The following ZBTB20 variants were observed in gnomAD, a reference collection of about 807,000 sequenced individuals.
ZBTB20 encodes the protein zinc finger and BTB domain-containing protein 20.
A neutral mutation model predicts 56.9 loss-of-function variants in ZBTB20; 9 were observed. That is an observed-to-expected ratio of 0.16 (90% CI 0.10 to 0.28). The LOEUF is 0.28. ZBTB20 is among the 10% of genes least tolerant of loss of function. The pLI, the probability that ZBTB20 is intolerant of heterozygous loss-of-function variation, is 1.00. For synonymous variants in ZBTB20, 417 were observed against 420.7 expected, an observed-to-expected ratio of 0.99 and a Z score of 0.11; for missense variants, 655 against 1,003.0, an observed-to-expected ratio of 0.65 and a Z score of 4.69.
At chr3:114,675,019 T>A (rs1279447128) in intron 6 of ZBTB20, among the ~76,000 whole-genome samples, 1 of 149,524 alleles carries the variant, frequency 6.7e-6, no homozygotes, top group South Asian at 2.1e-4. Context: ...CAAAATAATC[T>A]CTATTACAAA....
intron 6 of ZBTB20, among the ~76,000 whole-genome samples, chr3:114,516,841 A>G (rs1252345609): frequency 6.6e-6 from 1 of 152,224 alleles, no homozygotes; most frequent in African/African-American, 2.4e-5. Flanking sequence ...CACGGAACTC[A>G]CAGCCTTAGA....
chr3:114,402,277 C>T (rs1218876461), intron 7 of ZBTB20, among the ~76,000 whole-genome samples: 2 of 152,102 alleles, frequency 1.3e-5, no homozygotes, highest in African/African-American at 4.8e-5. Flanking sequence ...GTCAAAATGG[C>T]TGTTCTCCCT....
intron 2 of ZBTB20, among the ~76,000 whole-genome samples, chr3:114,983,206 T>C (rs1017586066): frequency 6.6e-5 from 10 of 152,004 alleles, no homozygotes; most frequent in Non-Finnish European, 1.2e-4. Context: ...CAATGTGTCA[T>C]GCAATGTTCA....
chr3:114,556,066 G>C (rs1036952778), intron 6 of ZBTB20, among the ~76,000 whole-genome samples: 3 of 152,024 alleles, frequency 2.0e-5, no homozygotes, highest in Middle Eastern at 3.2e-3. Context: ...TCCACTATTA[G>C]CAATTAAAAA....
intron 6 of ZBTB20, among the ~76,000 whole-genome samples, chr3:114,677,183 C>T (rs868604187): frequency 5.9e-5 from 9 of 152,140 alleles, no homozygotes; most frequent in Non-Finnish European, 1.3e-4. Context: ...TGCCATACTA[C>T]CTGCTAAAAA....
At chr3:114,831,137 T>G (rs1363576392) in intron 4 of ZBTB20, among the ~76,000 whole-genome samples, 2 of 149,952 alleles carry the variant, frequency 1.3e-5, no homozygotes, top group Non-Finnish European at 3.0e-5. Context: ...CTCCAACCTT[T>G]TTAAAATATA....
At chr3:114,473,163 C>T (rs192165065) in intron 7 of ZBTB20, among the ~76,000 whole-genome samples, 4 of 152,320 alleles carry the variant, frequency 2.6e-5, no homozygotes, top group Admixed American at 6.5e-5. Context: ...GTGAACAGCA[C>T]GCTTTATGTG....
chr3:114,461,744 A>G (rs1252859268), intron 7 of ZBTB20, among the ~76,000 whole-genome samples: 1 of 152,182 alleles, frequency 6.6e-6, no homozygotes, highest in Non-Finnish European at 1.5e-5. Flanking sequence ...CTTGTTAGAC[A>G]CGTAACTTAT....
intron 6 of ZBTB20, among the ~76,000 whole-genome samples, chr3:114,659,597 C>T (rs879739444): frequency 5.9e-5 from 9 of 152,092 alleles, no homozygotes; most frequent in Non-Finnish European, 1.3e-4. Flanking sequence ...TGGATTATGC[C>T]TTATGCTGGA....
At chr3:114,413,532 T>G (rs770183530) in intron 7 of ZBTB20, among the ~76,000 whole-genome samples, 2 of 152,136 alleles carry the variant, frequency 1.3e-5, no homozygotes, top group Non-Finnish European at 2.9e-5. Context: ...ATATAACAGT[T>G]TCCTGTCCCT....
intron 4 of ZBTB20, among the ~76,000 whole-genome samples, chr3:114,889,095 T>G (rs1219272638): frequency 6.6e-6 from 1 of 151,926 alleles, no homozygotes; most frequent in Non-Finnish European, 1.5e-5. Context: ...GAAAATATAT[T>G]TTACACAAAT....
intron 4 of ZBTB20, among the ~76,000 whole-genome samples, chr3:114,847,629 A>T (rs904156385): frequency 6.6e-6 from 1 of 151,648 alleles, no homozygotes; most frequent in African/African-American, 2.4e-5. Context: ...GACTTTTGGG[A>T]ATCCTTTTTT....
intron 10 of ZBTB20, among the ~76,000 whole-genome samples, chr3:114,362,583 T>C (rs142346496): frequency 3.0e-4 from 46 of 152,300 alleles, no homozygotes; most frequent in Admixed American, 1.2e-3. Flanking sequence ...CTATTTTCAA[T>C]AGAATTTAAA....
At chr3:114,730,715 T>C (rs527915289) in intron 5 of ZBTB20, among the ~76,000 whole-genome samples, 86 of 152,192 alleles carry the variant, frequency 5.7e-4, no homozygotes, top group Non-Finnish European at 9.1e-4. Flanking sequence ...ATTGGACTTC[T>C]AGCCTCCAGA....
intron 6 of ZBTB20, among the ~76,000 whole-genome samples, chr3:114,566,721 T>C (rs1280534174): frequency 6.6e-6 from 1 of 152,212 alleles, no homozygotes; most frequent in African/African-American, 2.4e-5. Context: ...CCTAGCACAT[T>C]GTTCTTCAAT....
intron 3 of ZBTB20, among the ~76,000 whole-genome samples, chr3:114,952,820 G>T (rs769753584): frequency 1.3e-5 from 2 of 151,962 alleles, no homozygotes; most frequent in Non-Finnish European, 2.9e-5. Flanking sequence ...CTGTATAAAA[G>T]AGACCTGCTC....
At chr3:114,913,408 T>G (rs1486949297) in intron 3 of ZBTB20, among the ~76,000 whole-genome samples, 1 of 152,112 alleles carries the variant, frequency 6.6e-6, no homozygotes, top group African/African-American at 2.4e-5. Flanking sequence ...ATTCAAATCT[T>G]TTCCCCATTT....
Position 114,488,192 on chromosome 3 carries a change from C to T in ZBTB20, c.-255+12160G>A, listed in dbSNP as rs141343593. 4.1e-3 allele frequency among the ~76,000 whole-genome samples: 625 copies of T among 152,292 alleles called. 7 individuals are homozygous for T. The highest frequency in any genetic ancestry group is 0.014 in the African/African-American group (595 of 41,560). ...CTTCCCACAACACTCCCCTGAAGGG[C>T]GGTGAGGGTAGGTGTTGCCATCAGA... On this transcript the variant is annotated intron_variant, in intron 7 of 11. Coordinates refer to ENST00000675478, the MANE Select transcript of ZBTB20 (RefSeq NM_001348800.3).
chr3:114,614,664 A>G (rs1006871674), intron 6 of ZBTB20, among the ~76,000 whole-genome samples: 2 of 152,212 alleles, frequency 1.3e-5, no homozygotes, highest in Non-Finnish European at 2.9e-5. Flanking sequence ...AAAAGAGCAA[A>G]CAAATAAAAC....
Sources: gnomAD v4.1 joint callset for allele counts (sites outside exome capture counted in the v4.1 genomes callset) on GRCh38, gnomAD v4.1.1 for gene constraint, MANE v1.5 for transcripts, NCBI Gene and HGNC (gene_info 2026-07-23, HGNC 2026-07-21) for gene names.